SYT13: variants seen among roughly 807,000 people sequenced by gnomAD.
SYT13 encodes synaptotagmin 13, also known as synaptotagmin-13.
In SYT13, 21 loss-of-function variants were observed where a neutral mutation model predicts 38.6. The observed-to-expected ratio is 0.54, with a 90% confidence interval of 0.39 to 0.78. The LOEUF is 0.78. Among genes scored for constraint, SYT13 ranks in the 30% least tolerant of loss-of-function variants. The probability of loss-of-function intolerance (pLI) is 0.00; values close to 1 mark genes in which losing one functional copy is unlikely to be tolerated. For missense variants in SYT13, 495 were observed against 548.7 expected, an observed-to-expected ratio of 0.90 and a Z score of 0.98; for synonymous variants, 241 against 237.6, an observed-to-expected ratio of 1.01 and a Z score of -0.13.
intron 1 of SYT13, among the ~76,000 whole-genome samples, chr11:45,279,119 T>C (rs1050603655): frequency 5.9e-5 from 9 of 152,242 alleles, no homozygotes; most frequent in African/African-American, 2.2e-4. Context: ...TTTCTGCTAA[T>C]CTTCAACCTA....
Position 45,286,075 on chromosome 11 carries a change from C to T in SYT13, c.133G>A (p.Asp45Asn). ...GGCTTCGCCTTCTCCAGGTCGGGGTCCTGGTCCCGCGGCAGCAGCCCCTTC... is the reference window on the plus strand; with the variant it reads ...GGCTTCGCCTTCTCCAGGTCGGGGTTCTGGTCCCGCGGCAGCAGCCCCTTC... ...PKKGLLPRDQ[D>N]PDLEKAKPSL... is the part of the protein sequence containing the mutation. The change falls in exon 1 of 6, where the codon GAC (aspartate) becomes AAC (asparagine). Residue 45 changes from aspartate to asparagine, a missense_variant. Physicochemically the swap from Asp to Asn is conservative, Grantham distance 23 (BLOSUM62 1). Coordinates refer to ENST00000020926, the MANE Select transcript of SYT13 (RefSeq NM_020826.3). 6.2e-7 allele frequency: 1 copy of T among 1,609,550 alleles called. No homozygotes were observed. The highest frequency in any genetic ancestry group is 8.5e-7 in the Non-Finnish European group (1 of 1,179,432).
Position 45,241,222 on chromosome 11 carries a change from G to T in SYT13, c.*2830C>A, listed in dbSNP as rs553109807. ...TAGGACTTTAATTTTTATGCCATTTGCAGTGTCTTTTTCTGCCTACTCTGC... is the reference window on the plus strand; with the variant it reads ...TAGGACTTTAATTTTTATGCCATTTTCAGTGTCTTTTTCTGCCTACTCTGC... On this transcript the variant is annotated 3_prime_UTR_variant, in exon 6 of 6. Transcript: ENST00000020926. 1 of 152,292 alleles carries T rather than the reference G, an allele frequency of 6.6e-6. No homozygotes were observed. Among genetic ancestry groups the T allele is most frequent in the Admixed American group, 6.5e-5 (1 of 15,294 alleles). 9.4% of individuals were successfully genotyped at this position (152,292 alleles called of 1,614,324 possible). A position where few individuals can be genotyped will look rare whatever the true frequency, so the allele number is the denominator to read the frequency against.
chr11:45,258,639 A>G (rs1288279842), intron 1 of SYT13: 1 of 152,200 alleles, frequency 6.6e-6, no homozygotes, highest in Non-Finnish European at 1.5e-5. Context: ...TGTGTAAATA[A>G]CACATGATGG....
intron 3 of SYT13, 123 bp downstream of exon 3, chr11:45,254,147 G>T (rs1039564086): frequency 4.5e-6 from 5 of 1,111,268 alleles, no homozygotes; most frequent in East Asian, 2.8e-5. Flanking sequence ...GTGTTCCAGG[G>T]TCTGGTTGTT....
intron 1 of SYT13, among the ~76,000 whole-genome samples, chr11:45,264,407 G>T (rs1854856771): frequency 6.6e-6 from 1 of 152,140 alleles, no homozygotes; most frequent in Non-Finnish European, 1.5e-5. Flanking sequence ...CATTTTCCTT[G>T]CTCTCTCTCA....
At chr11:45,273,975 T>G (rs1854980384) in intron 1 of SYT13, among the ~76,000 whole-genome samples, 1 of 152,250 alleles carries the variant, frequency 6.6e-6, no homozygotes, top group Admixed American at 6.5e-5. Flanking sequence ...TCATTCATTC[T>G]TCCATATAAC....
chr11:45,277,112 GA>G (rs1227844312), intron 1 of SYT13, among the ~76,000 whole-genome samples: 1 of 152,164 alleles, frequency 6.6e-6, no homozygotes, highest in African/African-American at 2.4e-5. Context: ...GATGAACCTT[GA>G]AAACATGATG....
intron 1 of SYT13, among the ~76,000 whole-genome samples, chr11:45,279,222 T>C (rs1305323329): frequency 6.6e-6 from 1 of 152,254 alleles, no homozygotes; most frequent in African/African-American, 2.4e-5. Flanking sequence ...TGTGTTTTAC[T>C]TTTCTTCTGC....
chr11:45,254,610 T>G (rs1302149373), intron 2 of SYT13: 2 of 527,084 alleles, frequency 3.8e-6, no homozygotes, highest in Non-Finnish European at 6.3e-6. Context: ...GGCTCCCTCA[T>G]CAACCACACA....
intron 1 of SYT13, among the ~76,000 whole-genome samples, chr11:45,281,194 T>TG (rs1462351481): frequency 7.7e-6 from 1 of 129,300 alleles, no homozygotes; most frequent in Non-Finnish European, 1.7e-5. Flanking sequence ...AGACTCTGTC[T>TG]CAAAAAAAAA....
intron 1 of SYT13, among the ~76,000 whole-genome samples, chr11:45,283,695 T>C (rs1415293628): frequency 6.6e-6 from 1 of 152,230 alleles, no homozygotes; most frequent in East Asian, 1.9e-4. Flanking sequence ...GATGGGCAGG[T>C]ATCATGTATC....
chr11:45,257,098 G>C (rs1416152011), intron 1 of SYT13, among the ~76,000 whole-genome samples: 3 of 152,156 alleles, frequency 2.0e-5, no homozygotes, highest in African/African-American at 7.2e-5. Flanking sequence ...TTGCCCAATT[G>C]TGTGCTCTAG....
At position 45,286,067 on chromosome 11, in the gene SYT13, G is replaced by T. The variant is rs1480006490; in HGVS notation, c.141C>A (p.Asp47Glu). The T allele has an allele frequency of 6.2e-7, 1 of 1,609,758 alleles. No homozygotes were observed. The change falls in exon 1 of 6, where the codon GAC (aspartate) becomes GAA (glutamate). Residue 47 changes from aspartate (D) to glutamate (E), a missense_variant. Transcript: ENST00000020926. ...GCAAGCTGGGCTTCGCCTTCTCCAGGTCGGGGTCCTGGTCCCGCGGCAGCA... is the reference window on the plus strand; with the variant it reads ...GCAAGCTGGGCTTCGCCTTCTCCAGTTCGGGGTCCTGGTCCCGCGGCAGCA... ...KGLLPRDQDP[D>E]LEKAKPSLLG... is the part of the protein sequence containing the mutation.
chr11:45,255,199 T>C (rs77668951), intron 2 of SYT13, among the ~76,000 whole-genome samples: 2,291 of 152,300 alleles, frequency 0.015, 45 homozygotes, highest in African/African-American at 0.046. Context: ...TGCCAGGCTC[T>C]GAATTAAGCA....
chr11:45,268,377 G>T (rs752918513), intron 1 of SYT13, among the ~76,000 whole-genome samples: 5 of 149,444 alleles, frequency 3.3e-5, no homozygotes, highest in Non-Finnish European at 5.9e-5. Flanking sequence ...ATGGTAATGA[G>T]GTCGGTTGAG....
chr11:45,269,548 A>G, intron 1 of SYT13: 2 of 1,094,098 alleles, frequency 1.8e-6, no homozygotes, highest in African/African-American at 1.6e-5. Flanking sequence ...TTTAATCTTC[A>G]CGCAACTATA....
chr11:45,248,961 C>T (rs574734950), intron 4 of SYT13, among the ~76,000 whole-genome samples: 21 of 152,316 alleles, frequency 1.4e-4, no homozygotes, highest in African/African-American at 4.6e-4. Flanking sequence ...GTTTTCCCTG[C>T]CCCTCTCTTT....
At chr11:45,283,839 G>T (rs1294700238) in intron 1 of SYT13, among the ~76,000 whole-genome samples, 2 of 152,198 alleles carry the variant, frequency 1.3e-5, no homozygotes, top group Non-Finnish European at 2.9e-5. Flanking sequence ...TTTCTTATTG[G>T]ACACCTACTA....
rs1054818042 is a variant in SYT13, at chr11:45,262,738, C to A, written c.184-6847G>T. ...AGATCCTATCACACACACACACACA[C>A]ACACACACACACACACACACACACA... is the stretch of plus-strand genomic sequence containing the variant. On this transcript the variant is annotated intron_variant, in intron 1 of 5. Transcript: ENST00000020926. 2.2e-3 allele frequency among the ~76,000 whole-genome samples: 270 copies of A among 120,426 alleles called. 3 individuals carry two copies. Among genetic ancestry groups the A allele is most frequent in the African/African-American group, 7.4e-3 (236 of 31,960 alleles). 79.0% of individuals were successfully genotyped at this position (120,426 alleles called of 152,430 possible).
Sources: allele counts gnomAD v4.1 joint callset (sites outside exome capture counted in the v4.1 genomes callset), GRCh38; gene constraint gnomAD v4.1.1; transcripts MANE v1.5; gene names NCBI Gene and HGNC (gene_info 2026-07-23, HGNC 2026-07-21).